SYNE3: variants seen among roughly 807,000 people sequenced by gnomAD.
SYNE3 encodes spectrin repeat containing nuclear envelope family member 3.
In SYNE3, 100 loss-of-function variants were observed where a neutral mutation model predicts 111.2. The observed-to-expected ratio is 0.90, with a 90% CI of 0.77 to 1.06. SYNE3 has a LOEUF of 1.06. SYNE3 is among the 50% of genes least tolerant of loss of function. The pLI, the probability that SYNE3 is intolerant of heterozygous loss-of-function variation, is 0.00. For synonymous variants in SYNE3, 547 were observed against 533.9 expected, an observed-to-expected ratio of 1.02 and a Z score of -0.34; for missense variants, 1,160 against 1,240.3, an observed-to-expected ratio of 0.94 and a Z score of 0.97.
intron 1 of SYNE3, chr14:95,516,291 G>C (rs1829389203): frequency 2.0e-5 from 3 of 152,258 alleles, no homozygotes; most frequent in South Asian, 4.1e-4. Flanking sequence ...CGCGCTGCCC[G>C]GGGCTTTAGG....
intron 7 of SYNE3, chr14:95,450,334 C>T (rs1886997904): frequency 5.2e-6 from 3 of 574,098 alleles, no homozygotes; most frequent in Non-Finnish European, 9.1e-6. Flanking sequence ...CTGGGGTCTT[C>T]CTGAGGACAG....
rs535845027 is a variant in SYNE3, at chr14:95,445,238, G to A, written c.1633-610C>T. Among the ~76,000 whole-genome samples, 152 of 152,278 alleles carry A rather than the reference G, an allele frequency of 1.0e-3. 7 individuals are homozygous for A. In the South Asian group the frequency reaches 0.031, roughly 31 times the overall value. On this transcript the variant is annotated intron_variant, in intron 9 of 17. Transcript: ENST00000682763. ...CACGGGAGCTGAAATCATGGGCTGG[G>A]TCCTGGCTGTACCCCATATGGACCA...
chr14:95,463,523 AC>A (rs1333070816), intron 4 of SYNE3, among the ~76,000 whole-genome samples: 18 of 152,352 alleles, frequency 1.2e-4, no homozygotes, highest in African/African-American at 4.1e-4. Flanking sequence ...TGGCACAAGC[AC>A]CTGTTTCCTG....
chr14:95,455,417 C>T lies in SYNE3; in HGVS notation c.1097G>A (p.Gly366Glu), dbSNP rs753232982. ...QEGLQPAAKA[G>E]TEDELVAHWR... ...GTGTGCCACCAGCTCGTCCTCGGTCCCCGCTTTCGCCGCAGGCTGCAGGCC... is the reference window on the plus strand; with the variant it reads ...GTGTGCCACCAGCTCGTCCTCGGTCTCCGCTTTCGCCGCAGGCTGCAGGCC... Residue 366 changes from glycine (G) to glutamate (E), a missense_variant, in exon 6 of 18, where the codon GGG becomes GAG. By Grantham distance (98) the Gly-to-Glu change is moderately conservative (BLOSUM62 -2). Coordinates refer to ENST00000682763, the MANE Select transcript of SYNE3 (RefSeq NM_152592.6). 3 of 1,568,744 alleles carry T rather than the reference C, an allele frequency of 1.9e-6. No homozygotes were observed. The highest frequency in any genetic ancestry group is 2.6e-6 in the Non-Finnish European group (3 of 1,158,722).
chr14:95,481,018 G>A (rs1241682010), intron 1 of SYNE3, among the ~76,000 whole-genome samples: 8 of 152,086 alleles, frequency 5.3e-5, no homozygotes, highest in East Asian at 1.9e-4. Context: ...GCACAGCAGC[G>A]GCATCTACCT....
At chr14:95,477,300 A>G (rs1888941935) in intron 1 of SYNE3, among the ~76,000 whole-genome samples, 1 of 152,188 alleles carries the variant, frequency 6.6e-6, no homozygotes, top group African/African-American at 2.4e-5. Flanking sequence ...AGCACATTCC[A>G]TGGGAACCTC....
At chr14:95,434,995 C>T (rs1886005888) in intron 15 of SYNE3, among the ~76,000 whole-genome samples, 1 of 152,190 alleles carries the variant, frequency 6.6e-6, no homozygotes, top group Admixed American at 6.5e-5. Flanking sequence ...TTTTGGCAAA[C>T]ACAATGTCTA....
In SYNE3 at chr14:95,458,070, T is replaced by G. The variant is rs563667256; in HGVS notation, c.628-732A>C. ...ACAACACAGGGGTAAGATGATGTCC[T>G]GAGGGTGGCTGACATTTGGAAAAAC... On this transcript the variant is annotated intron_variant, in intron 4 of 17. Coordinates refer to ENST00000682763, the MANE Select transcript of SYNE3 (RefSeq NM_152592.6). Among the ~76,000 whole-genome samples the G allele has an allele frequency of 9.2e-5, 14 of 152,328 alleles. No homozygotes were observed. In the South Asian group the frequency reaches 2.9e-3, roughly 32 times the overall value.
chr14:95,485,795 A>C lies in SYNE3; in HGVS notation c.-14-9960T>G, dbSNP rs1296982545. 6.6e-6 allele frequency among the ~76,000 whole-genome samples: 1 copy of C among 152,128 alleles called. No individual in the cohort carries two copies. Among genetic ancestry groups the C allele is most frequent in the Non-Finnish European group, 1.5e-5 (1 of 68,012 alleles). On this transcript the variant is annotated intron_variant, in intron 1 of 17. Coordinates refer to ENST00000682763, the MANE Select transcript of SYNE3 (RefSeq NM_152592.6). The surrounding 1 kb of genome is among the most constrained non-coding windows in gnomAD (Gnocchi z 4.3). Reference sequence around the variant, plus strand: ...ATCTCAGCCTGGATCCCACTGGACTATAAATATCTGTCCCCTCATCTCTCC... The same window carrying C: ...ATCTCAGCCTGGATCCCACTGGACTCTAAATATCTGTCCCCTCATCTCTCC...
chr14:95,440,132 C>A, intron 11 of SYNE3, 57 bp from the exon 12 acceptor site: 2 of 1,523,120 alleles, frequency 1.3e-6, no homozygotes, highest in Non-Finnish European at 8.8e-7. Context: ...GGGGGAGACC[C>A]CCGCACCACC....
In SYNE3 at chr14:95,509,684, C is replaced by T. The variant is rs1336965687; in HGVS notation, c.-15+6912G>A. Among the ~76,000 whole-genome samples the T allele has an allele frequency of 4.6e-5, 7 of 152,230 alleles. No homozygotes were observed. The South Asian group carries it at 1.2e-3, about 27-fold the overall frequency. On this transcript the variant is annotated intron_variant, in intron 1 of 17. Coordinates refer to ENST00000682763, the MANE Select transcript of SYNE3 (RefSeq NM_152592.6). ...AGCTGCATTATTTCAGCAAATGTCA[C>T]TTGGGAGGGGCTCAGCCCTTTTCAG...
At chr14:95,506,989 C>T (rs1229234441) in intron 1 of SYNE3, among the ~76,000 whole-genome samples, 1 of 152,240 alleles carries the variant, frequency 6.6e-6, no homozygotes, top group African/African-American at 2.4e-5. Flanking sequence ...GCTCTGCTGG[C>T]TAAACTAACA....
chr14:95,419,523 T>C (rs1338356651), intron 17 of SYNE3, among the ~76,000 whole-genome samples: 1 of 152,108 alleles, frequency 6.6e-6, no homozygotes, highest in African/African-American at 2.4e-5. Flanking sequence ...ATCATAGCAC[T>C]AGTACTATTA....
intron 8 of SYNE3, 123 bp downstream of exon 8, chr14:95,449,808 A>C (rs1886949682): frequency 7.0e-7 from 1 of 1,436,458 alleles, no homozygotes; most frequent in Non-Finnish European, 9.3e-7. Context: ...GACCGGGCGC[A>C]GTGAGCTCTC....
chr14:95,465,056 A>G (rs1051420422), intron 4 of SYNE3, among the ~76,000 whole-genome samples: 1 of 152,252 alleles, frequency 6.6e-6, no homozygotes, highest in Non-Finnish European at 1.5e-5. Flanking sequence ...AACTCAATGA[A>G]CTGTTTCCAA....
At chr14:95,481,657 G>A (rs189053541) in intron 1 of SYNE3, among the ~76,000 whole-genome samples, 56 of 152,320 alleles carry the variant, frequency 3.7e-4, no homozygotes, top group Non-Finnish European at 5.7e-4. Flanking sequence ...AATGCAGCCC[G>A]CAGGGGGTCA....
chr14:95,509,027 C>T (rs768321183), intron 1 of SYNE3, among the ~76,000 whole-genome samples: 8 of 152,252 alleles, frequency 5.3e-5, no homozygotes, highest in Non-Finnish European at 1.0e-4. Flanking sequence ...AGCGTGCTCT[C>T]TCTGGGCTGG....
intron 15 of SYNE3, among the ~76,000 whole-genome samples, chr14:95,434,507 C>A (rs1311595016): frequency 6.6e-6 from 1 of 152,140 alleles, no homozygotes; most frequent in African/African-American, 2.4e-5. Flanking sequence ...AAACCTGGAC[C>A]TTGTGTAGAC....
intron 17 of SYNE3, 75 bp downstream of exon 17, chr14:95,432,004 C>T (rs1044578668): frequency 1.9e-6 from 3 of 1,541,466 alleles, no homozygotes; most frequent in Non-Finnish European, 2.7e-6. Context: ...CGAGTCTTGC[C>T]CCAGTGTCAC....
Sources: gnomAD v4.1 joint callset for allele counts (sites outside exome capture counted in the v4.1 genomes callset) on GRCh38, gnomAD v4.1.1 for gene constraint, Gnocchi (gnomAD v3.1) non-coding constraint, MANE v1.5 for transcripts, NCBI Gene and HGNC (gene_info 2026-07-23, HGNC 2026-07-21) for gene names.